The following ZHX2 variants were observed in gnomAD, a reference collection of about 807,000 sequenced individuals.
ZHX2 encodes the protein zinc fingers and homeoboxes protein 2.
ZHX2 carries 6 observed loss-of-function variants against 21.9 expected under a neutral mutation model. The observed-to-expected ratio is 0.27, with a 90% CI of 0.15 to 0.54. The LOEUF is 0.54. Ranked by LOEUF, ZHX2 falls within the 20% of genes least tolerant of loss-of-function variation. The probability of loss-of-function intolerance (pLI) is 0.95; values close to 1 mark genes in which losing one functional copy is unlikely to be tolerated. For missense variants in ZHX2, 908 were observed against 1,090.7 expected (o/e 0.83, Z 2.36); for synonymous variants, 434 against 437.1 (o/e 0.99, Z 0.09).
intron 1 of ZHX2, among the ~76,000 whole-genome samples, chr8:122,809,788 G>A (rs930226163): frequency 1.3e-5 from 2 of 152,172 alleles, no homozygotes; most frequent in East Asian, 1.9e-4. Context: ...GCTATGTGAC[G>A]TTAGGCCACT....
intron 3 of ZHX2, among the ~76,000 whole-genome samples, chr8:122,956,034 G>A (rs1160857396): frequency 2.0e-5 from 3 of 151,862 alleles, no homozygotes; most frequent in Admixed American, 6.6e-5. Context: ...TAGTAGAGAC[G>A]GGGTTTTGCC....
intron 1 of ZHX2, among the ~76,000 whole-genome samples, chr8:122,834,185 C>G (rs1818447555): frequency 6.6e-6 from 1 of 152,194 alleles, no homozygotes; most frequent in Non-Finnish European, 1.5e-5. Context: ...TACCGGCCCA[C>G]CTGCCACCAT....
At chr8:122,846,386 T>C (rs931430675) in intron 1 of ZHX2, among the ~76,000 whole-genome samples, 1 of 152,210 alleles carries the variant, frequency 6.6e-6, no homozygotes, top group Admixed American at 6.5e-5. Context: ...TTCTGTGAAC[T>C]GAGTGAGCTA....
chr8:122,939,846 T>G (rs1227017279), intron 2 of ZHX2, among the ~76,000 whole-genome samples: 1 of 152,172 alleles, frequency 6.6e-6, no homozygotes, highest in Non-Finnish European at 1.5e-5. Flanking sequence ...TGAAAGGCGC[T>G]GTAGAGGAAA....
chr8:122,877,985 A>G (rs1377375942), intron 2 of ZHX2, among the ~76,000 whole-genome samples: 1 of 152,140 alleles, frequency 6.6e-6, no homozygotes, highest in African/African-American at 2.4e-5. Context: ...GTGAGACATA[A>G]GGGGGAGAGC....
intron 3 of ZHX2, among the ~76,000 whole-genome samples, chr8:122,969,959 C>T (rs1342199932): frequency 6.6e-6 from 1 of 152,188 alleles, no homozygotes; most frequent in Non-Finnish European, 1.5e-5. Flanking sequence ...AGAATTAGTA[C>T]TTCTTAACAT....
At chr8:122,864,129 T>C (rs1377060854) in intron 2 of ZHX2, among the ~76,000 whole-genome samples, 1 of 149,410 alleles carries the variant, frequency 6.7e-6, no homozygotes, top group Non-Finnish European at 1.5e-5. Context: ...GTTGGAGAAA[T>C]GTCTGTGGGA....
chr8:122,832,152 C>T (rs1818390625), intron 1 of ZHX2, among the ~76,000 whole-genome samples: 1 of 152,080 alleles, frequency 6.6e-6, no homozygotes, highest in Non-Finnish European at 1.5e-5. Flanking sequence ...CAGGTAAGAG[C>T]GTGGCCGGGT....
At chr8:122,865,659 C>G (rs1819275624) in intron 2 of ZHX2, among the ~76,000 whole-genome samples, 1 of 152,202 alleles carries the variant, frequency 6.6e-6, no homozygotes, top group Non-Finnish European at 1.5e-5. Context: ...TCAGTCTCCT[C>G]CTAAGATAGA....
intron 2 of ZHX2, among the ~76,000 whole-genome samples, chr8:122,887,053 G>A (rs1481836706): frequency 7.6e-4 from 3 of 3,938 alleles, no homozygotes; most frequent in African/African-American, 1.6e-3. Context: ...CTGCCACCGT[G>A]TGTGTGTGTG....
intron 1 of ZHX2, among the ~76,000 whole-genome samples, chr8:122,854,962 T>C (rs1431541202): frequency 6.6e-6 from 1 of 152,254 alleles, no homozygotes. Flanking sequence ...CACTAGCCTC[T>C]GCTTCAACAC....
At chr8:122,948,487 T>C (rs1285049507) in intron 2 of ZHX2, among the ~76,000 whole-genome samples, 1 of 152,222 alleles carries the variant, frequency 6.6e-6, no homozygotes, top group Non-Finnish European at 1.5e-5. Flanking sequence ...TCACAGGTGA[T>C]ATTGATTCAT....
intron 1 of ZHX2, among the ~76,000 whole-genome samples, chr8:122,788,198 T>G (rs896091256): frequency 4.6e-5 from 7 of 152,226 alleles, no homozygotes; most frequent in Non-Finnish European, 1.0e-4. Flanking sequence ...ACACTTTCCC[T>G]TCACAATGTC....
At chr8:122,876,215 A>T (rs1819568862) in intron 2 of ZHX2, among the ~76,000 whole-genome samples, 1 of 151,536 alleles carries the variant, frequency 6.6e-6, no homozygotes, top group African/African-American at 2.4e-5. Context: ...TTCGACACTG[A>T]CAACTGGGGC....
intron 1 of ZHX2, among the ~76,000 whole-genome samples, chr8:122,857,611 G>T (rs1224019741): frequency 6.6e-6 from 1 of 152,036 alleles, no homozygotes; most frequent in Non-Finnish European, 1.5e-5. Flanking sequence ...GTTAGGTTGT[G>T]GCTGGAGGGA....
chr8:122,884,583 T>G (rs1233527156), intron 2 of ZHX2, among the ~76,000 whole-genome samples: 2 of 152,182 alleles, frequency 1.3e-5, no homozygotes, highest in African/African-American at 4.8e-5. Flanking sequence ...CTTGGGTCAA[T>G]CAGGTAGAAC....
chr8:122,834,158 T>C (rs1256841348), intron 1 of ZHX2, among the ~76,000 whole-genome samples: 1 of 152,166 alleles, frequency 6.6e-6, no homozygotes, highest in Non-Finnish European at 1.5e-5. Context: ...TTGCCCGGTA[T>C]TAATTCAAAA....
intron 1 of ZHX2, among the ~76,000 whole-genome samples, chr8:122,860,136 C>T (rs1281939128): frequency 6.6e-6 from 1 of 152,162 alleles, no homozygotes; most frequent in Non-Finnish European, 1.5e-5. Flanking sequence ...CACAAGGCAG[C>T]AGGAAGGAGA....
intron 2 of ZHX2, among the ~76,000 whole-genome samples, chr8:122,907,996 G>A (rs1820387009): frequency 6.6e-6 from 1 of 152,148 alleles, no homozygotes; most frequent in Non-Finnish European, 1.5e-5. Flanking sequence ...ATAATATAAT[G>A]AGAGGGTAAC....
Sources: allele counts gnomAD v4.1 joint callset (sites outside exome capture counted in the v4.1 genomes callset), GRCh38; gene constraint gnomAD v4.1.1; transcripts MANE v1.5; gene names NCBI Gene and HGNC (gene_info 2026-07-23, HGNC 2026-07-21).